ADARB2: variants seen among roughly 807,000 people sequenced by gnomAD.
ADARB2 encodes the protein adenosine deaminase RNA specific B2 (inactive).
ADARB2 carries 25 observed loss-of-function variants against 62.2 expected under a neutral mutation model. The observed-to-expected ratio is 0.40, with a 90% CI of 0.29 to 0.56. The LOEUF (loss-of-function observed/expected upper bound fraction) is 0.56. ADARB2 is among the 20% of genes least tolerant of loss of function. The probability of loss-of-function intolerance (pLI) is 0.43; values close to 1 mark genes in which losing one functional copy is unlikely to be tolerated. For missense variants in ADARB2, 1,071 were observed against 1,077.4 expected (o/e 0.99, Z 0.08); for synonymous variants, 572 against 500.8 (o/e 1.14, Z -1.90).
chr10:1,350,883 G>A (rs1832130135), intron 3 of ADARB2, among the ~76,000 whole-genome samples: 1 of 152,120 alleles, frequency 6.6e-6, no homozygotes, highest in African/African-American at 2.4e-5. Context: ...CAGCCAAGTA[G>A]CAATGTATTT....
At chr10:1,345,193 C>G (rs1052994264) in intron 3 of ADARB2, among the ~76,000 whole-genome samples, 2 of 152,114 alleles carry the variant, frequency 1.3e-5, no homozygotes, top group African/African-American at 2.4e-5. Flanking sequence ...GTGGTCCCCC[C>G]TCACGAGGCC....
chr10:1,617,292 G>T (rs10903513), intron 1 of ADARB2, among the ~76,000 whole-genome samples: 12,612 of 70,702 alleles, frequency 0.18, 25 homozygotes, highest in East Asian at 0.25. Context: ...AGATGTTTGT[G>T]TGCCCGTCCA....
intron 8 of ADARB2, among the ~76,000 whole-genome samples, chr10:1,195,187 A>C (rs1206645973): frequency 6.6e-6 from 1 of 151,922 alleles, no homozygotes; most frequent in East Asian, 1.9e-4. Context: ...GTCCTTCCCC[A>C]GGTCCTGGCT....
intron 1 of ADARB2, among the ~76,000 whole-genome samples, chr10:1,631,359 C>T (rs1833842060): frequency 6.6e-6 from 1 of 152,020 alleles, no homozygotes; most frequent in African/African-American, 2.4e-5. Context: ...CCAGCGGGGA[C>T]CTGACAAAGG....
intron 3 of ADARB2, among the ~76,000 whole-genome samples, chr10:1,273,593 C>T (rs1405344099): frequency 6.6e-6 from 1 of 152,326 alleles, no homozygotes; most frequent in East Asian, 1.9e-4. Context: ...TTGTCCGGCC[C>T]CGCCTGTGCC....
chr10:1,475,249 T>G (rs950700505), intron 1 of ADARB2, among the ~76,000 whole-genome samples: 1 of 152,130 alleles, frequency 6.6e-6, no homozygotes, highest in Non-Finnish European at 1.5e-5. Flanking sequence ...GGGGCTTAGG[T>G]GGTTTTGAAT....
chr10:1,367,279 CT>C (rs1290661918), intron 2 of ADARB2, among the ~76,000 whole-genome samples: 2 of 152,232 alleles, frequency 1.3e-5, no homozygotes. Context: ...CTGGGCTCTG[CT>C]TTGAAAGTGC....
At chr10:1,603,683 G>C (rs890663765) in intron 1 of ADARB2, among the ~76,000 whole-genome samples, 1 of 142,560 alleles carries the variant, frequency 7.0e-6, no homozygotes, top group African/African-American at 2.5e-5. Context: ...TACAATTTTA[G>C]AGCTGTGATC....
intron 3 of ADARB2, among the ~76,000 whole-genome samples, chr10:1,345,685 G>A (rs920992505): frequency 6.6e-6 from 1 of 152,098 alleles, no homozygotes; most frequent in African/African-American, 2.4e-5. Context: ...CTTTTTTGAG[G>A]GACAGGACAA....
chr10:1,370,396 T>A (rs1346459795), intron 2 of ADARB2, among the ~76,000 whole-genome samples: 1 of 152,200 alleles, frequency 6.6e-6, no homozygotes, highest in African/African-American at 2.4e-5. Flanking sequence ...TGGAACAAGA[T>A]GATGTCCACT....
At chr10:1,668,292 A>C (rs1392603344) in intron 1 of ADARB2, among the ~76,000 whole-genome samples, 1 of 152,194 alleles carries the variant, frequency 6.6e-6, no homozygotes, top group Non-Finnish European at 1.5e-5. Flanking sequence ...GTTACAACTC[A>C]TTAGAACCCA....
chr10:1,590,881 T>C (rs949957646), intron 1 of ADARB2, among the ~76,000 whole-genome samples: 2 of 152,116 alleles, frequency 1.3e-5, no homozygotes. Flanking sequence ...GGAGCTGTGA[T>C]GAGAGAGTCT....
chr10:1,730,254 G>A (rs1026257689), intron 1 of ADARB2, among the ~76,000 whole-genome samples: 2 of 152,178 alleles, frequency 1.3e-5, no homozygotes, highest in Non-Finnish European at 2.9e-5. Flanking sequence ...AGTGATGAAC[G>A]TGGCCAGATT....
chr10:1,478,687 C>A (rs898116397), intron 1 of ADARB2, among the ~76,000 whole-genome samples: 1 of 135,692 alleles, frequency 7.4e-6, no homozygotes, highest in African/African-American at 2.8e-5. Flanking sequence ...AGCACCAAAA[C>A]AAGGACCCTC....
chr10:1,428,898 C>T (rs985999133), intron 1 of ADARB2, among the ~76,000 whole-genome samples: 6 of 151,916 alleles, frequency 3.9e-5, no homozygotes, highest in African/African-American at 7.3e-5. Context: ...CACACACACA[C>T]GGACAAGGAA....
intron 2 of ADARB2, among the ~76,000 whole-genome samples, chr10:1,370,622 A>T (rs148907720): frequency 1.3e-5 from 2 of 152,214 alleles, no homozygotes; most frequent in South Asian, 4.1e-4. Flanking sequence ...ATACAAAATC[A>T]ATGTATAAAA....
chr10:1,438,820 G>A (rs1183647411), intron 1 of ADARB2, among the ~76,000 whole-genome samples: 132 of 134,878 alleles, frequency 9.8e-4, no homozygotes, highest in East Asian at 1.4e-3. Context: ...AGTCTCCTCA[G>A]CAGATGGAGG....
chr10:1,491,810 C>T (rs898263140), intron 1 of ADARB2, among the ~76,000 whole-genome samples: 4 of 152,184 alleles, frequency 2.6e-5, no homozygotes, highest in Admixed American at 2.6e-4. Context: ...TCTGTCTCCG[C>T]TGTTCATGGC....
At position 1,258,815 on chromosome 10, in the gene ADARB2, G is replaced by C. The variant is rs967753738; in HGVS notation, c.1192+12140C>G. Among the ~76,000 whole-genome samples the C allele has an allele frequency of 2.0e-5, 3 of 152,270 alleles. No individual in the cohort carries two copies. In the South Asian group the frequency reaches 6.2e-4, roughly 32 times the overall value. On this transcript the variant is annotated intron_variant, in intron 4 of 9. Coordinates refer to ENST00000381312, the MANE Select transcript of ADARB2 (RefSeq NM_018702.4). ...CAAGCAGACCTAATAGACATCTACAGAAGTCTCCACCCCAAATCAACAGAA... is the reference window on the plus strand; with the variant it reads ...CAAGCAGACCTAATAGACATCTACACAAGTCTCCACCCCAAATCAACAGAA...
Sources: allele counts gnomAD v4.1 joint callset (sites outside exome capture counted in the v4.1 genomes callset), GRCh38; gene constraint gnomAD v4.1.1; transcripts MANE v1.5; gene names NCBI Gene and HGNC (gene_info 2026-07-23, HGNC 2026-07-21).